Variants in DKK2 observed in about 807,000 individuals in gnomAD.
The protein encoded by DKK2 is dickkopf-related protein 2.
Under a neutral mutation model 28.1 loss-of-function variants are expected in DKK2, and 11 were observed. That is an observed-to-expected ratio of 0.39 (90% CI 0.25 to 0.65). The LOEUF (loss-of-function observed/expected upper bound fraction) is 0.65, where lower values mean the gene tolerates loss of function less well. Among genes scored for constraint, DKK2 ranks in the 30% least tolerant of loss-of-function variants. The pLI is 0.47. For synonymous variants in DKK2, 135 were observed against 126.5 expected (o/e 1.07, Z -0.45); for missense variants, 326 against 335.5 (o/e 0.97, Z 0.22).
At chr4:107,007,517 G>A (rs755279889) in intron 1 of DKK2, among the ~76,000 whole-genome samples, 13 of 152,210 alleles carry the variant, frequency 8.5e-5, no homozygotes, top group Admixed American at 4.6e-4. Context: ...AATAAGAAAT[G>A]ATTTGAAAAG....
intron 1 of DKK2, among the ~76,000 whole-genome samples, chr4:107,008,033 A>G (rs1723462195): frequency 6.6e-6 from 1 of 152,088 alleles, no homozygotes; most frequent in Non-Finnish European, 1.5e-5. Context: ...ATTCAATGCC[A>G]TTGCTCTTTA....
intron 1 of DKK2, among the ~76,000 whole-genome samples, chr4:107,009,504 G>A (rs974257202): frequency 4.0e-5 from 6 of 151,858 alleles, no homozygotes; most frequent in South Asian, 2.1e-4. Context: ...AAAAGAGCTA[G>A]ATATCTGCAG....
chr4:106,972,456 T>C (rs1184002762), intron 1 of DKK2, among the ~76,000 whole-genome samples: 3 of 151,860 alleles, frequency 2.0e-5, no homozygotes, highest in Non-Finnish European at 4.4e-5. Flanking sequence ...CTTGACTTCC[T>C]AAGTACAAAG....
chr4:106,924,452 T>C, intron 3 of DKK2, 93 bp downstream of exon 3: 1 of 1,457,166 alleles, frequency 6.9e-7, no homozygotes, highest in Non-Finnish European at 9.2e-7. Context: ...GAAACTTCCT[T>C]GTAATTTTTT....
At chr4:107,009,316 A>G (rs938689954) in intron 1 of DKK2, among the ~76,000 whole-genome samples, 3 of 152,022 alleles carry the variant, frequency 2.0e-5, no homozygotes, top group Admixed American at 6.6e-5. Flanking sequence ...AAATAAAAAT[A>G]GTGAAATGTA....
chr4:106,983,865 C>A (rs1723074807), intron 1 of DKK2, among the ~76,000 whole-genome samples: 1 of 152,134 alleles, frequency 6.6e-6, no homozygotes, highest in African/African-American at 2.4e-5. Flanking sequence ...AGATGATCGA[C>A]CTTATTAGTT....
rs141231900 is a variant in DKK2 at position 107,005,202 on chromosome 4, G to A, written c.222+30168C>T. On this transcript the variant is annotated intron_variant, in intron 1 of 3. Transcript: ENST00000285311. ...TAAAAATACAAAAAATTAGCTGGGCGTGGTGGTGGACACCTGTAGTCCCAG... is the reference window on the plus strand; with the variant it reads ...TAAAAATACAAAAAATTAGCTGGGCATGGTGGTGGACACCTGTAGTCCCAG... Among the ~76,000 whole-genome samples the A allele has an allele frequency of 5.0e-3, 753 of 151,966 alleles. 4 individuals are homozygous for A. The highest frequency in any genetic ancestry group is 0.017 in the African/African-American group (712 of 41,480).
intron 1 of DKK2, among the ~76,000 whole-genome samples, chr4:107,022,617 G>C (rs956217525): frequency 6.6e-6 from 1 of 152,044 alleles, no homozygotes; most frequent in African/African-American, 2.4e-5. Flanking sequence ...TCTAGAAATG[G>C]ACATAGATGG....
chr4:106,966,180 A>G (rs1029436358), intron 1 of DKK2, among the ~76,000 whole-genome samples: 3 of 152,194 alleles, frequency 2.0e-5, no homozygotes, highest in African/African-American at 7.2e-5. Context: ...GGACGCTTGT[A>G]ATAAGTCAGT....
chr4:106,928,153 A>G (rs1390257543), intron 1 of DKK2, among the ~76,000 whole-genome samples: 3 of 152,190 alleles, frequency 2.0e-5, no homozygotes, highest in Admixed American at 2.0e-4. Context: ...AATGACAAAT[A>G]TCTGATGCAG....
chr4:106,957,573 A>G (rs918172952), intron 1 of DKK2, among the ~76,000 whole-genome samples: 1 of 151,902 alleles, frequency 6.6e-6, no homozygotes, highest in African/African-American at 2.4e-5. Flanking sequence ...CTATGCAGCC[A>G]TAAAAAATGA....
chr4:107,000,613 T>C (rs1723345069), intron 1 of DKK2, among the ~76,000 whole-genome samples: 1 of 152,200 alleles, frequency 6.6e-6, no homozygotes, highest in South Asian at 2.1e-4. Context: ...TATATGCTAA[T>C]TGAAGGGACC....
At chr4:106,936,537 A>G (rs1236798708) in intron 1 of DKK2, among the ~76,000 whole-genome samples, 1 of 152,210 alleles carries the variant, frequency 6.6e-6, no homozygotes, top group African/African-American at 2.4e-5. Flanking sequence ...GTTGGAAAAC[A>G]CTCTGCAGGA....
At chr4:106,984,611 G>A (rs1412093531) in intron 1 of DKK2, among the ~76,000 whole-genome samples, 2 of 152,086 alleles carry the variant, frequency 1.3e-5, no homozygotes, top group African/African-American at 2.4e-5. Flanking sequence ...ATCTCATATT[G>A]TATGTATATA....
intron 1 of DKK2, among the ~76,000 whole-genome samples, chr4:106,941,143 A>G (rs964680193): frequency 6.6e-6 from 1 of 152,050 alleles, no homozygotes; most frequent in African/African-American, 2.4e-5. Flanking sequence ...ATAAAATAAA[A>G]AAAAGCATGA....
intron 1 of DKK2, among the ~76,000 whole-genome samples, chr4:107,014,750 G>A (rs1401044137): frequency 6.6e-6 from 1 of 151,320 alleles, no homozygotes; most frequent in African/African-American, 2.4e-5. Flanking sequence ...ACATCACACT[G>A]TACCTCATAA....
At chr4:106,968,869 A>G (rs1467375935) in intron 1 of DKK2, among the ~76,000 whole-genome samples, 1 of 152,098 alleles carries the variant, frequency 6.6e-6, no homozygotes, top group Admixed American at 6.6e-5. Flanking sequence ...TCCTCAACCC[A>G]AAAGAAGACA....
chr4:106,965,227 T>C (rs1425024186), intron 1 of DKK2, among the ~76,000 whole-genome samples: 5 of 152,190 alleles, frequency 3.3e-5, no homozygotes, highest in African/African-American at 1.2e-4. Flanking sequence ...GTTTCAAAGA[T>C]ACAAAATTGA....
intron 1 of DKK2, among the ~76,000 whole-genome samples, chr4:106,974,720 G>A (rs1333030770): frequency 6.6e-6 from 1 of 152,134 alleles, no homozygotes; most frequent in African/African-American, 2.4e-5. Flanking sequence ...CTTCCTATTT[G>A]AATACGTTTT....
Sources: allele counts gnomAD v4.1 joint callset (sites outside exome capture counted in the v4.1 genomes callset), GRCh38; gene constraint gnomAD v4.1.1; transcripts MANE v1.5; gene names NCBI Gene and HGNC (gene_info 2026-07-23, HGNC 2026-07-21).